SLC16A14: variants seen among roughly 807,000 people sequenced by gnomAD.
The protein encoded by SLC16A14 is monocarboxylate transporter 14.
Under a neutral mutation model 35.8 loss-of-function variants are expected in SLC16A14, and 14 were observed. The ratio of observed to expected loss-of-function variants is 0.39; its 90% CI spans 0.26 to 0.61. The LOEUF is 0.61. SLC16A14 is among the 20% of genes least tolerant of loss of function. The pLI, the probability that SLC16A14 is intolerant of heterozygous loss-of-function variation, is 0.51. For synonymous variants in SLC16A14, 248 were observed against 258.9 expected (o/e 0.96, Z 0.40); for missense variants, 533 against 655.0 (o/e 0.81, Z 2.03).
chr2:230,058,121 TA>T (rs1453936533), intron 2 of SLC16A14: 1 of 152,072 alleles, frequency 6.6e-6, no homozygotes, highest in Non-Finnish European at 1.5e-5. Flanking sequence ...AAAGTATTCA[TA>T]AATGTTAAAC....
Position 230,068,102 on chromosome 2 carries a change from G to A in SLC16A14, c.-15+453C>T. 6.6e-6 allele frequency: 1 copy of A among 152,638 alleles called. No individual in the cohort carries two copies. Among genetic ancestry groups the A allele is most frequent in the Admixed American group, 6.5e-5 (1 of 15,294 alleles). 9.5% of individuals were successfully genotyped at this position (152,638 alleles called of 1,614,324 possible). On this transcript the variant is annotated intron_variant, in intron 1 of 4. Transcript: ENST00000295190. This position sits in a 1 kb window ranked among gnomAD's most constrained non-coding sequence, Gnocchi z 5.1. ...CATCCGCACCCCGCGAAGTCCCTAG[G>A]CGCAGCCCCGGGTCCCCCGCTCTGC...
intron 4 of SLC16A14, among the ~76,000 whole-genome samples, chr2:230,039,428 C>T (rs1008972278): frequency 1.3e-5 from 2 of 151,996 alleles, no homozygotes; most frequent in Non-Finnish European, 2.9e-5. Context: ...TAAACGTAAT[C>T]CAAAAATAAT....
Position 230,046,303 on chromosome 2 carries a change from T to G in SLC16A14, c.823A>C (p.Lys275Gln). The G allele has an allele frequency of 6.2e-7, 1 of 1,614,174 alleles. No homozygotes were observed. The highest frequency in any genetic ancestry group is 2.2e-5 in the East Asian group (1 of 44,876). ...AGAATCCGGAGGGCACACATGTTCT[T>G]CCTGTGCCCGGCCTGATCGGGGCAC... ...QECPDQAGHR[K>Q]NMCALRILKT... Residue 275 changes from lysine (K) to glutamine (Q), a missense_variant, in exon 4 of 5, where the codon AAG (lysine) becomes CAG (glutamine). By Grantham distance (53) the Lys-to-Gln change is moderately conservative. Transcript: ENST00000295190. This position sits in a 1 kb window ranked among gnomAD's most constrained non-coding sequence, Gnocchi z 5.0.
intron 3 of SLC16A14, 27 bp downstream of exon 3, chr2:230,049,734 C>G: frequency 6.2e-7 from 1 of 1,605,770 alleles, no homozygotes; most frequent in South Asian, 1.1e-5. Flanking sequence ...CATTTAAAAT[C>G]GAGTTTAAAA....
rs999692750 is a variant in SLC16A14 at position 230,037,215 on chromosome 2, G to C, written c.*165C>G. ...CCAGCATTACATCTCCCCAAACAGA[G>C]AGGCAGTGCTGCTTACAAATGAGGC... On this transcript the variant is annotated 3_prime_UTR_variant, in exon 5 of 5. Transcript: ENST00000295190. The C allele has an allele frequency of 9.6e-6, 5 of 520,704 alleles. No homozygotes were observed. The highest frequency in any genetic ancestry group is 3.1e-4 in the Middle Eastern group (1 of 3,238). 32.3% of individuals were successfully genotyped at this position (520,704 alleles called of 1,614,324 possible).
chr2:230,049,673 ATG>A (rs2077641323), intron 3 of SLC16A14, 86 bp downstream of exon 3: 1 of 1,410,102 alleles, frequency 7.1e-7, no homozygotes, highest in Admixed American at 1.9e-5. Context: ...GAATGTTTTA[ATG>A]TGTCTCTTTT....
At position 230,048,034 on chromosome 2, in the gene SLC16A14, A is replaced by G. The variant is rs114343638; in HGVS notation, c.404-1312T>C. Among the ~76,000 whole-genome samples the G allele has an allele frequency of 4.7e-3, 721 of 152,346 alleles. 4 individuals carry two copies. Among genetic ancestry groups the G allele is most frequent in the African/African-American group, 0.017 (695 of 41,580 alleles). ...CAACTTGCAGATTTATATGGACAGT[A>G]GGTTATTATGTTCACCTTCTCCTCC... On this transcript the variant is annotated intron_variant, in intron 3 of 4. Coordinates refer to ENST00000295190, the MANE Select transcript of SLC16A14 (RefSeq NM_152527.5).
At chr2:230,061,942 A>C (rs2077755272) in intron 1 of SLC16A14, among the ~76,000 whole-genome samples, 1 of 152,070 alleles carries the variant, frequency 6.6e-6, no homozygotes, top group Admixed American at 6.6e-5. Context: ...GGGTTTCGCC[A>C]TGATGGCCAG....
Position 230,046,059 on chromosome 2 carries a change from G to C in SLC16A14, c.1067C>G (p.Thr356Arg). 6.2e-7 allele frequency: 1 copy of C among 1,614,140 alleles called. No individual in the cohort carries two copies. Among genetic ancestry groups the C allele is most frequent in the East Asian group, 2.2e-5 (1 of 44,880 alleles). Reference protein sequence around the residue: ...LSEQNDVFPLTSIIAIVHIFG... With the variant: ...LSEQNDVFPLRSIIAIVHIFG... ...GATGTGAACTATTGCTATAATTGAC[G>C]TCAGAGGGAAAACGTCGTTTTGCTC... The change falls in exon 4 of 5, where the codon ACG becomes AGG. Residue 356 changes from threonine (T) to arginine (R), a missense_variant. By Grantham distance (71) the Thr-to-Arg change is moderately conservative (BLOSUM62 -1). Transcript: ENST00000295190. The surrounding 1 kb of genome is among the most constrained non-coding windows in gnomAD (Gnocchi z 5.0).
chr2:230,047,541 G>T (rs1040593341), intron 3 of SLC16A14, among the ~76,000 whole-genome samples: 1 of 152,092 alleles, frequency 6.6e-6, no homozygotes, highest in Admixed American at 6.6e-5. Flanking sequence ...CTGGGCTCAC[G>T]CAATTCACCT....
intron 1 of SLC16A14, chr2:230,067,125 C>G (rs990815491): frequency 6.3e-6 from 1 of 158,572 alleles, no homozygotes; most frequent in Non-Finnish European, 1.4e-5. Context: ...CAGGCGCTTC[C>G]GCGCTCTTCA....
At chr2:230,057,381 CTGTG>C (rs2077714103) in intron 2 of SLC16A14, among the ~76,000 whole-genome samples, 1 of 152,050 alleles carries the variant, frequency 6.6e-6, no homozygotes, top group Admixed American at 6.6e-5. Context: ...TCATAGATTG[CTGTG>C]TGGTTAGGTT....
chr2:230,035,070 A>G lies in SLC16A14; in HGVS notation c.*2310T>C, dbSNP rs1169509123. The G allele has an allele frequency of 6.6e-6, 1 of 152,248 alleles. No homozygotes were observed. Among genetic ancestry groups the G allele is most frequent in the African/African-American group, 2.4e-5 (1 of 41,462 alleles). The allele number at this position is 152,248 out of a possible 1,614,324, so 9.4% of individuals were successfully genotyped here. A position where few individuals can be genotyped will look rare whatever the true frequency, so the allele number is the denominator to read the frequency against. Reference sequence around the variant, plus strand: ...AAACGATAAAGCACATGATATAAATATACAATTAACCCTTTATAATATCTT... The same window carrying G: ...AAACGATAAAGCACATGATATAAATGTACAATTAACCCTTTATAATATCTT... On this transcript the variant is annotated 3_prime_UTR_variant, in exon 5 of 5. Transcript: ENST00000295190.
At chr2:230,045,383 C>T (rs540514525) in intron 4 of SLC16A14, among the ~76,000 whole-genome samples, 112 of 152,220 alleles carry the variant, frequency 7.4e-4, no homozygotes, top group African/African-American at 2.6e-3. Context: ...CATGGTGAAA[C>T]CCCCATGTCT....
Position 230,068,276 on chromosome 2 carries a change from G to A in SLC16A14, c.-15+279C>T, listed in dbSNP as rs2077818755. The stretch of plus-strand genomic sequence containing the variant: ...CCCCGGCCAGCTTGAGCAGCAAGGC[G>A]CGCGTCCCCAAGCTCCGCCTGGCGG... On this transcript the variant is annotated intron_variant, in intron 1 of 4. Coordinates refer to ENST00000295190, the MANE Select transcript of SLC16A14 (RefSeq NM_152527.5). This position sits in a 1 kb window ranked among gnomAD's most constrained non-coding sequence, Gnocchi z 5.1. The A allele has an allele frequency of 6.6e-6, 1 of 152,282 alleles. No individual in the cohort carries two copies. Among genetic ancestry groups the A allele is most frequent in the Non-Finnish European group, 1.5e-5 (1 of 68,090 alleles). The allele number at this position is 152,282 out of a possible 1,614,324, so 9.4% of individuals were successfully genotyped here.
intron 1 of SLC16A14, among the ~76,000 whole-genome samples, chr2:230,059,638 A>G (rs2077735535): frequency 6.6e-6 from 1 of 152,232 alleles, no homozygotes; most frequent in Non-Finnish European, 1.5e-5. Context: ...GTGATTTTCT[A>G]AGGCCTGTAT....
intron 4 of SLC16A14, among the ~76,000 whole-genome samples, chr2:230,045,227 C>T (rs1352444191): frequency 6.6e-6 from 1 of 152,182 alleles, no homozygotes; most frequent in Non-Finnish European, 1.5e-5. Context: ...TGGATAGGAT[C>T]AAAAGTTCAT....
At chr2:230,044,869 A>C (rs2077590991) in intron 4 of SLC16A14, among the ~76,000 whole-genome samples, 1 of 151,104 alleles carries the variant, frequency 6.6e-6, no homozygotes. Flanking sequence ...GTGAGCTACC[A>C]CTCCTGGCCA....
chr2:230,049,833 A>C lies in SLC16A14; in HGVS notation c.331T>G (p.Ser111Ala). 6.2e-7 allele frequency: 1 copy of C among 1,614,146 alleles called. No homozygotes were observed. The highest frequency in any genetic ancestry group is 8.5e-7 in the Non-Finnish European group (1 of 1,179,980). ...TAGGCACTCAACACCCAGCCCAGGGAGTTGACGAGCCCTCCAATGATCGCA... is the reference window on the plus strand; with the variant it reads ...TAGGCACTCAACACCCAGCCCAGGGCGTTGACGAGCCCTCCAATGATCGCA... ...QTAIIGGLVN[S>A]LGWVLSAYAA... Residue 111 changes from serine to alanine, a missense_variant, in exon 3 of 5, where the codon TCC becomes GCC. Ser to Ala is a moderately conservative substitution (Grantham distance 99). Transcript: ENST00000295190.
Sources: allele counts gnomAD v4.1 joint callset (sites outside exome capture counted in the v4.1 genomes callset), GRCh38; gene constraint gnomAD v4.1.1; non-coding constraint Gnocchi (gnomAD v3.1); transcripts MANE v1.5; gene names NCBI Gene and HGNC (gene_info 2026-07-23, HGNC 2026-07-21).